Variants in DLEC1 observed in about 807,000 individuals in gnomAD.
DLEC1 encodes the protein DLEC1 cilia and flagella associated protein.
DLEC1 carries 146 observed loss-of-function variants against 198.1 expected under a neutral mutation model. The observed-to-expected ratio is 0.74, with a 90% CI of 0.64 to 0.85. DLEC1 has a LOEUF of 0.85. Among genes scored for constraint, DLEC1 ranks in the 40% least tolerant of loss-of-function variants. The pLI is 0.00. For missense variants in DLEC1, 2,233 were observed against 2,220.0 expected (o/e 1.01, Z -0.12); for synonymous variants, 897 against 866.8 (o/e 1.03, Z -0.61).
chr3:38,097,046 G>C, intron 15 of DLEC1, 136 bp from the exon 16 acceptor site: 1 of 913,672 alleles, frequency 1.1e-6, no homozygotes, highest in Non-Finnish European at 1.7e-6. Context: ...GAGGCCCATG[G>C]CTTTGGGTGG....
At chr3:38,089,184 GA>G (rs1262361116) in intron 10 of DLEC1, among the ~76,000 whole-genome samples, 5 of 152,228 alleles carry the variant, frequency 3.3e-5, no homozygotes, top group Admixed American at 3.3e-4. Context: ...CAGGTAGTGA[GA>G]TCCAGCAGCC....
chr3:38,119,544 G>A (rs1413051130), intron 33 of DLEC1, among the ~76,000 whole-genome samples: 3 of 151,856 alleles, frequency 2.0e-5, no homozygotes, highest in Non-Finnish European at 2.9e-5. Context: ...ATAGATCAGT[G>A]GCCTTTTTTT....
chr3:38,058,045 C>T (rs941947285), intron 2 of DLEC1, among the ~76,000 whole-genome samples: 8 of 152,212 alleles, frequency 5.3e-5, no homozygotes, highest in South Asian at 2.1e-4. Flanking sequence ...CCTCGTGATC[C>T]GCCTGCCTCA....
intron 14 of DLEC1, 110 bp from the exon 15 acceptor site, chr3:38,096,459 T>G (rs1575193457): frequency 7.6e-7 from 1 of 1,313,494 alleles, no homozygotes; most frequent in Non-Finnish European, 1.0e-6. Context: ...GAGCTGTGGG[T>G]TAGGCAGTGT....
At chr3:38,076,563 A>G (rs1194126778) in intron 6 of DLEC1, among the ~76,000 whole-genome samples, 1 of 152,190 alleles carries the variant, frequency 6.6e-6, no homozygotes, top group Admixed American at 6.5e-5. Flanking sequence ...AGGTAATGTC[A>G]TCACTCAAGG....
chr3:38,047,213 A>G (rs1402951526), intron 2 of DLEC1, among the ~76,000 whole-genome samples: 1 of 152,272 alleles, frequency 6.6e-6, no homozygotes, highest in Non-Finnish European at 1.5e-5. Flanking sequence ...TACCACCAGC[A>G]TTCACTGAAA....
chr3:38,068,684 A>T (rs1231797702), intron 6 of DLEC1, among the ~76,000 whole-genome samples: 1 of 152,230 alleles, frequency 6.6e-6, no homozygotes, highest in Non-Finnish European at 1.5e-5. Flanking sequence ...ATTTATGGAG[A>T]TGACATTGAG....
At chr3:38,104,462 C>A (rs905255461) in intron 19 of DLEC1, among the ~76,000 whole-genome samples, 15 of 152,094 alleles carry the variant, frequency 9.9e-5, no homozygotes, top group South Asian at 6.2e-4. Flanking sequence ...GTATGCCCCA[C>A]CCCATCCCCC....
chr3:38,048,034 G>T (rs1700956599), intron 2 of DLEC1, among the ~76,000 whole-genome samples: 1 of 152,180 alleles, frequency 6.6e-6, no homozygotes, highest in African/African-American at 2.4e-5. Context: ...TAGTATCATT[G>T]TGCACGCTTG....
intron 18 of DLEC1, 51 bp from the exon 19 acceptor site, chr3:38,100,235 G>A (rs1224564388): frequency 6.5e-7 from 1 of 1,542,474 alleles, no homozygotes; most frequent in African/African-American, 1.4e-5. Flanking sequence ...CAGTTCCTCT[G>A]CAATTCCAAG....
At chr3:38,039,737 G>A in intron 1 of DLEC1, 101 bp downstream of exon 1, 2 of 1,454,504 alleles carry the variant, frequency 1.4e-6, no homozygotes, top group Admixed American at 4.9e-5. Context: ...CAGGATCTGG[G>A]GCTGCAGTTG....
intron 6 of DLEC1, among the ~76,000 whole-genome samples, chr3:38,065,732 A>G (rs754199346): frequency 6.6e-6 from 1 of 152,362 alleles, no homozygotes; most frequent in South Asian, 2.1e-4. Flanking sequence ...CTTAATATCA[A>G]CTAATACCCA....
intron 1 of DLEC1, among the ~76,000 whole-genome samples, chr3:38,043,765 C>T (rs1348397286): frequency 6.6e-6 from 1 of 152,122 alleles, no homozygotes; most frequent in Non-Finnish European, 1.5e-5. Context: ...ACAATCTCAA[C>T]TCACTGTAAT....
chr3:38,095,063 C>A lies in DLEC1; in HGVS notation c.2104C>A (p.Pro702Thr), dbSNP rs774823423. 1 of 1,614,194 alleles carries A rather than the reference C, an allele frequency of 6.2e-7. No individual in the cohort carries two copies. Among genetic ancestry groups the A allele is most frequent in the South Asian group, 1.1e-5 (1 of 91,074 alleles). ...CCACGAGTTCATCCTGAGCTTTTCT[C>A]CTCATGAGGTTCAGATGGTGTCATC... The part of the protein sequence containing the change: ...TDHEFILSFS[P>T]HELRDFHSVL... The change falls in exon 13 of 37, where the codon CCT (proline) becomes ACT (threonine). Residue 702 changes from proline (P) to threonine (T), a missense_variant. Pro to Thr is a conservative substitution (Grantham distance 38). Transcript: ENST00000308059.
At chr3:38,115,921 C>T (rs1700133051) in intron 27 of DLEC1, among the ~76,000 whole-genome samples, 1 of 151,984 alleles carries the variant, frequency 6.6e-6, no homozygotes, top group African/African-American at 2.4e-5. Context: ...GGGGGACTTC[C>T]CCCAGTGGTA....
At position 38,094,873 on chromosome 3, in the gene DLEC1, C is replaced by T. The variant is rs1476384626; in HGVS notation, c.1920-6C>T. The T allele has an allele frequency of 6.2e-7, 1 of 1,613,292 alleles. No individual in the cohort carries two copies. On this transcript the variant is annotated splice_region_variant and splice_polypyrimidine_tract_variant and intron_variant, in intron 12 of 36. Transcript: ENST00000308059. ...GGACATGGCCTTGGATGCGTTGCCC[C>T]CACAGGCACGTGGAGCTGGCCTTCT... is the stretch of plus-strand genomic sequence containing the variant.
intron 19 of DLEC1, 67 bp downstream of exon 19, chr3:38,100,492 A>G: frequency 6.9e-7 from 1 of 1,448,762 alleles, no homozygotes. Context: ...TATCTATATT[A>G]TATATTTATC....
chr3:38,040,874 C>T (rs1376741846), intron 1 of DLEC1, among the ~76,000 whole-genome samples: 2 of 151,962 alleles, frequency 1.3e-5, no homozygotes, highest in African/African-American at 4.8e-5. Context: ...GAGTCTGGCT[C>T]TGTTGCCCAG....
rs749664533 is a variant in DLEC1, at chr3:38,109,480, A to G, written c.3178A>G (p.Lys1060Glu). Reference sequence around the variant, plus strand: ...CCCTTGTCACGTGTCAGGCATGAAGAAGCCACTGGTTCTAGGCATTTCTGG... The same window carrying G: ...CCCTTGTCACGTGTCAGGCATGAAGGAGCCACTGGTTCTAGGCATTTCTGG... The part of the protein sequence containing the change: ...ALPCHVSGMK[K>E]PLVLGISGKP... The change falls in exon 22 of 37, where the codon AAG becomes GAG. Residue 1060 changes from lysine to glutamate, a missense_variant. Coordinates refer to ENST00000308059, the MANE Select transcript of DLEC1 (RefSeq NM_007335.4). 2.5e-6 allele frequency: 4 copies of G among 1,614,200 alleles called. No homozygotes were observed. In the Admixed American group the frequency reaches 6.7e-5, roughly 27 times the overall value.
Sources: gnomAD v4.1 joint callset for allele counts (sites outside exome capture counted in the v4.1 genomes callset) on GRCh38, gnomAD v4.1.1 for gene constraint, MANE v1.5 for transcripts, NCBI Gene and HGNC (gene_info 2026-07-23, HGNC 2026-07-21) for gene names.